The following TMC7 variants were observed in gnomAD, a reference collection of about 807,000 sequenced individuals.
TMC7 encodes the protein transmembrane channel like 7, also known as transmembrane channel-like protein 7.
In TMC7, 54 loss-of-function variants were observed where a neutral mutation model predicts 82.9. The observed-to-expected ratio is 0.65, with a 90% CI of 0.52 to 0.82. The LOEUF is 0.82. TMC7 is among the 40% of genes least tolerant of loss of function. The pLI is 0.00. For synonymous variants in TMC7, 350 were observed against 337.9 expected (o/e 1.04, Z -0.39); for missense variants, 820 against 901.2 (o/e 0.91, Z 1.15).
chr16:19,044,789 AAAAAG>A, intron 9 of TMC7, 90 bp from the exon 10 acceptor site: 2 of 687,570 alleles, frequency 2.9e-6, no homozygotes, highest in Non-Finnish European at 4.7e-6. Flanking sequence ...AAAAAAAAAA[AAAAAG>A]GCAGCTTCTA....
chr16:19,012,780 T>C (rs1265838589), intron 2 of TMC7, among the ~76,000 whole-genome samples: 1 of 76,812 alleles, frequency 1.3e-5, no homozygotes, highest in African/African-American at 5.9e-5. Context: ...CAGAGTGAGA[T>C]TCCATCTCAA....
At chr16:19,031,095 T>A (rs1007682573) in intron 6 of TMC7, among the ~76,000 whole-genome samples, 1 of 152,256 alleles carries the variant, frequency 6.6e-6, no homozygotes, top group East Asian at 1.9e-4. Flanking sequence ...AGGAACGATA[T>A]CAAAAGTAAG....
In TMC7 at chr16:19,009,138, G is replaced by T. The variant is rs778910580; in HGVS notation, c.68-34G>T. 4 of 1,602,128 alleles carry T rather than the reference G, an allele frequency of 2.5e-6. No homozygotes were observed. The Admixed American group carries it at 6.8e-5, about 27-fold the overall frequency. ...TTCCTGCTTGGCTTCCGAACTCACTGGAGTGAATGATGACTTTCTTTTCTT... is the reference window on the plus strand; with the variant it reads ...TTCCTGCTTGGCTTCCGAACTCACTTGAGTGAATGATGACTTTCTTTTCTT... On this transcript the variant is annotated intron_variant, in intron 1 of 15. Coordinates refer to ENST00000304381, the MANE Select transcript of TMC7 (RefSeq NM_024847.4).
intron 1 of TMC7, among the ~76,000 whole-genome samples, chr16:18,992,727 T>C (rs2038974160): frequency 6.6e-6 from 1 of 152,230 alleles, no homozygotes; most frequent in Non-Finnish European, 1.5e-5. Flanking sequence ...TTTTATGGTT[T>C]TAGGTCTAAC....
At chr16:19,011,637 A>T (rs1028988092) in intron 2 of TMC7, among the ~76,000 whole-genome samples, 37 of 152,256 alleles carry the variant, frequency 2.4e-4, no homozygotes, top group African/African-American at 8.7e-4. Flanking sequence ...GTATCACTCA[A>T]GCCCAGGGCT....
intron 6 of TMC7, 120 bp downstream of exon 6, chr16:19,030,489 G>A (rs1960465359): frequency 8.1e-7 from 1 of 1,232,964 alleles, no homozygotes; most frequent in African/African-American, 1.5e-5. Flanking sequence ...GGGTTTTGTG[G>A]GGAAGGGTTT....
intron 2 of TMC7, among the ~76,000 whole-genome samples, chr16:19,013,851 C>CTTTTT (rs35402613): frequency 1.8e-4 from 16 of 87,088 alleles, no homozygotes; most frequent in East Asian, 3.6e-4. Context: ...AGCACTCTTG[C>CTTTTT]TTTTTTTTTT....
chr16:19,044,742 T>G, intron 9 of TMC7, 142 bp from the exon 10 acceptor site: 1 of 575,338 alleles, frequency 1.7e-6, no homozygotes. Flanking sequence ...CTCTCCAGCC[T>G]GGGCAACAGA....
intron 2 of TMC7, chr16:19,012,023 T>C (rs1373162737): frequency 1.3e-5 from 2 of 151,658 alleles, no homozygotes; most frequent in South Asian, 2.1e-4. Context: ...ACTCCTGTAG[T>C]CTCAGCTACT....
intron 2 of TMC7, among the ~76,000 whole-genome samples, chr16:19,015,570 G>GTT (rs869231364): frequency 5.6e-4 from 79 of 139,980 alleles, no homozygotes; most frequent in African/African-American, 1.6e-3. Flanking sequence ...CTCAAGACAA[G>GTT]TTTTTTTTTT....
rs1282573143 is a variant in TMC7, at chr16:19,062,604, C to T, written c.*761C>T. The T allele has an allele frequency of 6.6e-6, 1 of 152,198 alleles. No homozygotes were observed. Among genetic ancestry groups the T allele is most frequent in the Non-Finnish European group, 1.5e-5 (1 of 67,974 alleles). 9.4% of individuals were successfully genotyped at this position (152,198 alleles called of 1,614,324 possible). Reference sequence around the variant, plus strand: ...TCACACCATTGCACTCCAGCCTGGGCAAAAAGAGCAAAACTCTCCCTAAAA... The same window carrying T: ...TCACACCATTGCACTCCAGCCTGGGTAAAAAGAGCAAAACTCTCCCTAAAA... On this transcript the variant is annotated 3_prime_UTR_variant, in exon 16 of 16. Transcript: ENST00000304381.
intron 12 of TMC7, among the ~76,000 whole-genome samples, chr16:19,048,862 C>T (rs1961402870): frequency 6.6e-6 from 1 of 152,110 alleles, no homozygotes; most frequent in Non-Finnish European, 1.5e-5. Context: ...ATGCCAGGCC[C>T]TGAGGATTCA....
chr16:19,000,603 G>A (rs1330652293), intron 1 of TMC7, among the ~76,000 whole-genome samples: 1 of 152,224 alleles, frequency 6.6e-6, no homozygotes, highest in Non-Finnish European at 1.5e-5. Flanking sequence ...ATCATTTCAT[G>A]AGAAGAAAAA....
intron 9 of TMC7, among the ~76,000 whole-genome samples, chr16:19,041,946 C>T (rs956356255): frequency 3.9e-5 from 6 of 152,074 alleles, no homozygotes; most frequent in African/African-American, 7.2e-5. Context: ...TTCTGGATTT[C>T]GTCCATTGTT....
chr16:18,993,862 G>A (rs1271207163), intron 1 of TMC7, among the ~76,000 whole-genome samples: 1 of 152,204 alleles, frequency 6.6e-6, no homozygotes, highest in Admixed American at 6.5e-5. Flanking sequence ...CTGAGAAGTA[G>A]TGGAGGGGGG....
chr16:19,052,557 A>G (rs1198517507), intron 13 of TMC7, among the ~76,000 whole-genome samples: 1 of 152,134 alleles, frequency 6.6e-6, no homozygotes, highest in African/African-American at 2.4e-5. Flanking sequence ...TCACACCTGT[A>G]ATCCAACACT....
intron 1 of TMC7, among the ~76,000 whole-genome samples, chr16:18,990,987 GTCT>G (rs1197063037): frequency 1.3e-5 from 2 of 152,106 alleles, no homozygotes; most frequent in African/African-American, 2.4e-5. Context: ...TGACATTCCT[GTCT>G]TCTTATGTTA....
At chr16:19,059,548 T>G in intron 15 of TMC7, 54 bp downstream of exon 15, 1 of 1,614,058 alleles carries the variant, frequency 6.2e-7, no homozygotes, top group Non-Finnish European at 8.5e-7. Flanking sequence ...CCCAGGACAC[T>G]GCAAGGAAAG....
chr16:19,033,525 A>C (rs965251092), intron 6 of TMC7: 3 of 152,182 alleles, frequency 2.0e-5, no homozygotes, highest in African/African-American at 7.2e-5. Context: ...TCTACAAAAA[A>C]TACAAATAAT....
Sources: allele counts gnomAD v4.1 joint callset (sites outside exome capture counted in the v4.1 genomes callset), GRCh38; gene constraint gnomAD v4.1.1; transcripts MANE v1.5; gene names NCBI Gene and HGNC (gene_info 2026-07-23, HGNC 2026-07-21).